FSTL5: variants seen among roughly 807,000 people sequenced by gnomAD.
FSTL5 encodes follistatin-related protein 5.
FSTL5 carries 62 observed loss-of-function variants against 89.1 expected under a neutral mutation model. The observed-to-expected ratio is 0.70, with a 90% CI of 0.57 to 0.86. The LOEUF (loss-of-function observed/expected upper bound fraction) is 0.86, where lower values mean the gene tolerates loss of function less well. Ranked by LOEUF, FSTL5 falls within the 40% of genes least tolerant of loss-of-function variation. The pLI, the probability that FSTL5 is intolerant of heterozygous loss-of-function variation, is 0.00. For missense variants in FSTL5, 1,057 were observed against 1,001.6 expected (o/e 1.06, Z -0.75); for synonymous variants, 383 against 346.2 (o/e 1.11, Z -1.18).
At chr4:161,681,858 G>A (rs1737536866) in intron 6 of FSTL5, among the ~76,000 whole-genome samples, 3 of 152,076 alleles carry the variant, frequency 2.0e-5, no homozygotes, top group Admixed American at 2.0e-4. Flanking sequence ...GTTTAGTCAT[G>A]TATCACTTAA....
chr4:161,874,914 A>C (rs1732389446), intron 4 of FSTL5, among the ~76,000 whole-genome samples: 1 of 152,144 alleles, frequency 6.6e-6, no homozygotes, highest in Admixed American at 6.5e-5. Context: ...TTTTCTTGCT[A>C]TGAGTTATGT....
intron 11 of FSTL5, 39 bp from the exon 12 acceptor site, chr4:161,500,173 T>G (rs753073206): frequency 7.4e-7 from 1 of 1,343,412 alleles, no homozygotes; most frequent in Non-Finnish European, 1.0e-6. Context: ...CAAAATATAA[T>G]TATCATAAAC....
chr4:162,132,722 T>C (rs905591432), intron 1 of FSTL5, among the ~76,000 whole-genome samples: 5 of 152,140 alleles, frequency 3.3e-5, no homozygotes, highest in Admixed American at 6.5e-5. Context: ...CTCAAAAAAA[T>C]TGCAGATAAT....
intron 6 of FSTL5, among the ~76,000 whole-genome samples, chr4:161,683,271 T>A (rs1396274188): frequency 6.6e-6 from 1 of 150,668 alleles, no homozygotes; most frequent in Non-Finnish European, 1.5e-5. Flanking sequence ...GTGCTAGGAA[T>A]TTTTTGGCTC....
At chr4:161,929,661 G>A (rs1317404260) in intron 3 of FSTL5, among the ~76,000 whole-genome samples, 3 of 4,290 alleles carry the variant, frequency 7.0e-4, no homozygotes, top group Admixed American at 3.8e-3. Context: ...AGGTAGGCAC[G>A]TGTGTGTGTG....
At chr4:161,477,287 C>A (rs1197082830) in intron 13 of FSTL5, among the ~76,000 whole-genome samples, 1 of 144,622 alleles carries the variant, frequency 6.9e-6, no homozygotes, top group Non-Finnish European at 1.5e-5. Context: ...AACCAAAAGG[C>A]AAAAGGAAGA....
intron 4 of FSTL5, among the ~76,000 whole-genome samples, chr4:161,895,338 C>CT (rs1240965397): frequency 6.6e-6 from 1 of 152,050 alleles, no homozygotes; most frequent in Non-Finnish European, 1.5e-5. Flanking sequence ...TGCAAATGTC[C>CT]TTTTTTTAAA....
At chr4:162,029,390 C>G (rs931658485) in intron 3 of FSTL5, among the ~76,000 whole-genome samples, 1 of 152,014 alleles carries the variant, frequency 6.6e-6, no homozygotes, top group African/African-American at 2.4e-5. Context: ...TCTCATTGAG[C>G]TTATAGAGGA....
At chr4:161,416,690 A>T (rs1030679531) in intron 15 of FSTL5, among the ~76,000 whole-genome samples, 1 of 151,240 alleles carries the variant, frequency 6.6e-6, no homozygotes, top group African/African-American at 2.5e-5. Flanking sequence ...AAAAAATAAC[A>T]AAAAATTAGC....
rs1239261462 is a variant in FSTL5, at chr4:162,089,983, A to G, written c.126+21288T>C. On this transcript the variant is annotated intron_variant, in intron 2 of 15. Coordinates refer to ENST00000306100, the MANE Select transcript of FSTL5 (RefSeq NM_020116.5). ...ATCTTCAATAAAGCTGACAAAAACA[A>G]GCAATGGGGAAAGACTCTCTATTCA... Among the ~76,000 whole-genome samples, 9 of 152,160 alleles carry G rather than the reference A, an allele frequency of 5.9e-5. 1 individual carries two copies. The highest frequency in any genetic ancestry group is 5.9e-4 in the Admixed American group (9 of 15,274).
intron 6 of FSTL5, among the ~76,000 whole-genome samples, chr4:161,740,218 C>T (rs1739967659): frequency 1.3e-5 from 2 of 151,870 alleles, no homozygotes; most frequent in African/African-American, 4.8e-5. Flanking sequence ...CGGGGTTTCA[C>T]CATGTTGGCC....
intron 3 of FSTL5, among the ~76,000 whole-genome samples, chr4:161,969,740 T>C (rs1007320574): frequency 6.6e-6 from 1 of 151,760 alleles, no homozygotes; most frequent in Non-Finnish European, 1.5e-5. Context: ...TGCAGGGAAA[T>C]AGAAGAAACA....
At chr4:162,018,202 G>A (rs1056012941) in intron 3 of FSTL5, among the ~76,000 whole-genome samples, 3 of 152,152 alleles carry the variant, frequency 2.0e-5, no homozygotes, top group Non-Finnish European at 4.4e-5. Context: ...CATGTGGTTA[G>A]GAGTAAGAGA....
intron 3 of FSTL5, among the ~76,000 whole-genome samples, chr4:161,934,091 GT>G (rs1186982512): frequency 6.6e-6 from 1 of 151,836 alleles, no homozygotes; most frequent in African/African-American, 2.4e-5. Context: ...CTTGTTTCTT[GT>G]TTTACAAATA....
chr4:161,677,642 AAG>A (rs1412206860), intron 6 of FSTL5, among the ~76,000 whole-genome samples: 1 of 151,976 alleles, frequency 6.6e-6, no homozygotes, highest in African/African-American at 2.4e-5. Context: ...TGAGAACCGA[AAG>A]AGTGTTCCTC....
chr4:162,121,102 A>C (rs1239131951), intron 1 of FSTL5, among the ~76,000 whole-genome samples: 1 of 151,812 alleles, frequency 6.6e-6, no homozygotes, highest in Non-Finnish European at 1.5e-5. Flanking sequence ...ATTTGTATGT[A>C]AATATACATT....
intron 5 of FSTL5, among the ~76,000 whole-genome samples, chr4:161,773,547 C>T (rs777805925): frequency 6.6e-6 from 1 of 152,026 alleles, no homozygotes; most frequent in African/African-American, 2.4e-5. Flanking sequence ...CATTAATAGA[C>T]AATTCTCAAA....
chr4:162,088,330 G>A (rs1000498377), intron 2 of FSTL5, among the ~76,000 whole-genome samples: 4 of 151,782 alleles, frequency 2.6e-5, no homozygotes, highest in Non-Finnish European at 5.9e-5. Context: ...TATAACTCAA[G>A]TATTAACTTT....
intron 10 of FSTL5, among the ~76,000 whole-genome samples, chr4:161,534,461 A>C (rs1410785317): frequency 6.6e-6 from 1 of 152,124 alleles, no homozygotes; most frequent in Non-Finnish European, 1.5e-5. Context: ...AATTGAAAAC[A>C]CAATTCCATT....
Sources: allele counts gnomAD v4.1 joint callset (sites outside exome capture counted in the v4.1 genomes callset), GRCh38; gene constraint gnomAD v4.1.1; transcripts MANE v1.5; gene names NCBI Gene and HGNC (gene_info 2026-07-23, HGNC 2026-07-21).